The following FGD4 variants were observed in gnomAD, a reference collection of about 807,000 sequenced individuals.
FGD4 encodes FYVE, RhoGEF and PH domain-containing protein 4.
In FGD4, 42 loss-of-function variants were observed where a neutral mutation model predicts 102.0. The observed-to-expected ratio is 0.41, with a 90% confidence interval of 0.32 to 0.53. The LOEUF is 0.53. FGD4 is among the 20% of genes least tolerant of loss of function. The pLI is 0.21. For missense variants in FGD4, 902 were observed against 1,078.2 expected, an observed-to-expected ratio of 0.84 and a Z score of 2.29; for synonymous variants, 380 against 375.7, an observed-to-expected ratio of 1.01 and a Z score of -0.13.
chr12:32,474,515 GTA>G (rs560529103), intron 1 of FGD4, among the ~76,000 whole-genome samples: 20 of 152,322 alleles, frequency 1.3e-4, no homozygotes, highest in African/African-American at 4.8e-4. Context: ...ATGCTTCCAT[GTA>G]TATGAAATGT....
rs1015788856 is a variant in FGD4, at chr12:32,611,177, G to C, written c.1643G>C (p.Gly548Ala). ...CTCTTAGAGATTTATGAAATGTTGGGAGAAGAAGAAGACATTGTAAACCCT... is the reference window on the plus strand; with the variant it reads ...CTCTTAGAGATTTATGAAATGTTGGCAGAAGAAGAAGACATTGTAAACCCT... Reference protein sequence around the residue: ...KKLLEIYEMLGEEEDIVNPSN... With the variant: ...KKLLEIYEMLAEEEDIVNPSN... The change falls in exon 10 of 17, where the codon GGA becomes GCA. Residue 548 changes from glycine (G) to alanine (A), a missense_variant. Gly to Ala is a moderately conservative substitution (Grantham distance 60). Coordinates refer to ENST00000534526, the MANE Select transcript of FGD4 (RefSeq NM_001370298.3). 1 of 1,614,132 alleles carries C rather than the reference G, an allele frequency of 6.2e-7. No homozygotes were observed. The highest frequency in any genetic ancestry group is 8.5e-7 in the Non-Finnish European group (1 of 1,180,030).
chr12:32,431,750 G>A (rs796139922), intron 1 of FGD4, among the ~76,000 whole-genome samples: 7 of 151,332 alleles, frequency 4.6e-5, no homozygotes, highest in African/African-American at 1.7e-4. Context: ...TCCAGCCTGC[G>A]TGACAGAGCA....
chr12:32,432,678 G>A (rs79458583), intron 1 of FGD4, among the ~76,000 whole-genome samples: 2 of 151,762 alleles, frequency 1.3e-5, no homozygotes, highest in South Asian at 2.1e-4. Flanking sequence ...TACAGAGAAG[G>A]GTTCTTCATC....
chr12:32,556,641 G>T (rs1373001928), intron 1 of FGD4, among the ~76,000 whole-genome samples: 2 of 152,028 alleles, frequency 1.3e-5, no homozygotes, highest in Non-Finnish European at 2.9e-5. Context: ...TGGATCACCT[G>T]AAGTCAGGAG....
chr12:32,524,606 CTTGAGCCTAGGAGT>C (rs1207977900), intron 1 of FGD4, among the ~76,000 whole-genome samples: 2 of 151,752 alleles, frequency 1.3e-5, no homozygotes, highest in Non-Finnish European at 2.9e-5. Flanking sequence ...GGGAGGACCG[CTTGAGCCTAGGAGT>C]TTGAGATCAT....
intron 1 of FGD4, among the ~76,000 whole-genome samples, chr12:32,513,625 T>C (rs1219653463): frequency 6.6e-6 from 1 of 152,158 alleles, no homozygotes; most frequent in Non-Finnish European, 1.5e-5. Flanking sequence ...CACAAGGATG[T>C]ACAAGAGAGA....
chr12:32,569,422 C>T (rs1945462162), intron 2 of FGD4, among the ~76,000 whole-genome samples: 1 of 152,190 alleles, frequency 6.6e-6, no homozygotes, highest in African/African-American at 2.4e-5. Context: ...TGTCCACATG[C>T]CCATTCTGCT....
At chr12:32,507,314 T>A (rs947707638) in intron 1 of FGD4, among the ~76,000 whole-genome samples, 1 of 152,106 alleles carries the variant, frequency 6.6e-6, no homozygotes, top group Admixed American at 6.5e-5. Flanking sequence ...CACATTTTCT[T>A]AATCCAGTCT....
intron 3 of FGD4, among the ~76,000 whole-genome samples, chr12:32,580,744 G>A (rs1170225170): frequency 5.9e-5 from 9 of 151,980 alleles, no homozygotes; most frequent in East Asian, 5.8e-4. Context: ...AAAATTAGCC[G>A]GGCGTGGTGG....
chr12:32,594,148 T>C (rs1041792637), intron 4 of FGD4, among the ~76,000 whole-genome samples: 1 of 152,146 alleles, frequency 6.6e-6, no homozygotes, highest in Non-Finnish European at 1.5e-5. Context: ...CTGTGGCCTG[T>C]TAGGGATGTG....
chr12:32,594,644 A>G (rs1326089991), intron 4 of FGD4, among the ~76,000 whole-genome samples: 41 of 152,204 alleles, frequency 2.7e-4, no homozygotes, highest in Admixed American at 2.7e-3. Flanking sequence ...TCTGGGTTAC[A>G]TTATCACATG....
rs1003555276 is a variant in FGD4, at chr12:32,618,434, G to A, written c.1750-1264G>A. On this transcript the variant is annotated intron_variant, in intron 10 of 16. Coordinates refer to ENST00000534526, the MANE Select transcript of FGD4 (RefSeq NM_001370298.3). Reference sequence around the variant, plus strand: ...GCCTTAATCAGACGATGATATGGATGGTGATTAAAAACCTTTTGGAGCTTT... The same window carrying A: ...GCCTTAATCAGACGATGATATGGATAGTGATTAAAAACCTTTTGGAGCTTT... Among the ~76,000 whole-genome samples, 11 of 111,516 alleles carry A rather than the reference G, an allele frequency of 9.9e-5. 2 individuals are homozygous for A. Among genetic ancestry groups the A allele is most frequent in the Admixed American group, 1.7e-4 (2 of 11,450 alleles). The allele number at this position is 111,516 out of a possible 152,430, so 73.2% of individuals were successfully genotyped here. A position where few individuals can be genotyped will look rare whatever the true frequency, so the allele number is the denominator to read the frequency against.
At chr12:32,443,232 A>G (rs1341879679) in intron 1 of FGD4, among the ~76,000 whole-genome samples, 4 of 152,214 alleles carry the variant, frequency 2.6e-5, no homozygotes, top group Non-Finnish European at 5.9e-5. Flanking sequence ...ATGTCTGACA[A>G]TCTGACATCA....
In FGD4 at chr12:32,608,020, C is replaced by T; in HGVS notation, c.1468C>T (p.Pro490Ser). Residue 490 changes from proline to serine, a missense_variant, in exon 8 of 17, where the codon CCC (proline) becomes TCC (serine). Physicochemically the swap from Pro to Ser is moderately conservative, Grantham distance 74 (BLOSUM62 -1). Transcript: ENST00000534526. The part of the protein sequence containing the change: ...HHMLEPVQRI[P>S]RYEMLLKDYL... ...CATGCTAGAACCTGTTCAGCGGATT[C>T]CCCGGTATGAGATGCTCCTTAAGGA... is the stretch of plus-strand genomic sequence containing the variant. 1.2e-6 allele frequency: 2 copies of T among 1,614,202 alleles called. No individual in the cohort carries two copies. Among genetic ancestry groups the T allele is most frequent in the East Asian group, 2.2e-5 (1 of 44,890 alleles).
At position 32,570,835 on chromosome 12, in the gene FGD4, T is replaced by C. The variant is rs144735148; in HGVS notation, c.320-5431T>C. Among the ~76,000 whole-genome samples the C allele has an allele frequency of 2.1e-3, 313 of 152,276 alleles. 7 individuals are homozygous for C. The highest frequency in any genetic ancestry group is 0.019 in the Admixed American group (286 of 15,300). ...AAAAGTCTTATCTGGGTCTGTAAGA[T>C]CCAGTTCTTCACAGGGCCTTGTAGA... On this transcript the variant is annotated intron_variant, in intron 2 of 16. Transcript: ENST00000534526.
intron 8 of FGD4, among the ~76,000 whole-genome samples, chr12:32,608,448 G>T (rs1948929185): frequency 6.6e-6 from 1 of 152,158 alleles, no homozygotes; most frequent in African/African-American, 2.4e-5. Context: ...AATTAGATAG[G>T]TTGGTGCATA....
chr12:32,473,015 C>T (rs1000338588), intron 1 of FGD4, among the ~76,000 whole-genome samples: 10 of 151,494 alleles, frequency 6.6e-5, no homozygotes, highest in Non-Finnish European at 1.3e-4. Flanking sequence ...ATGCACCAAT[C>T]GACACTCTGT....
At chr12:32,412,704 G>T (rs980340896) in intron 1 of FGD4, among the ~76,000 whole-genome samples, 2 of 151,922 alleles carry the variant, frequency 1.3e-5, no homozygotes, top group Non-Finnish European at 2.9e-5. Flanking sequence ...CGCCTCCTGG[G>T]TTCAAGCGAT....
chr12:32,496,246 A>G (rs1483132855), intron 1 of FGD4, among the ~76,000 whole-genome samples: 2 of 152,222 alleles, frequency 1.3e-5, no homozygotes, highest in East Asian at 3.8e-4. Flanking sequence ...AGGATTAACC[A>G]TTCAGCATCG....
Sources: gnomAD v4.1 joint callset for allele counts (sites outside exome capture counted in the v4.1 genomes callset) on GRCh38, gnomAD v4.1.1 for gene constraint, MANE v1.5 for transcripts, NCBI Gene and HGNC (gene_info 2026-07-23, HGNC 2026-07-21) for gene names.